The following ATM variants were observed in gnomAD, a reference collection of about 807,000 sequenced individuals.
ATM encodes the protein serine-protein kinase ATM.
Under a neutral mutation model 387.0 loss-of-function variants are expected in ATM, and 308 were observed. The observed-to-expected ratio is 0.80, with a 90% CI of 0.73 to 0.87. The LOEUF (loss-of-function observed/expected upper bound fraction) is 0.87. Among genes scored for constraint, ATM ranks in the 40% least tolerant of loss-of-function variants. The pLI, the probability that ATM is intolerant of heterozygous loss-of-function variation, is 0.00. For synonymous variants in ATM, 1,156 were observed against 1,187.3 expected (o/e 0.97, Z 0.54); for missense variants, 3,312 against 3,560.9 (o/e 0.93, Z 1.78).
intron 54 of ATM, among the ~76,000 whole-genome samples, chr11:108,334,253 G>A (rs1378049128): frequency 6.6e-6 from 1 of 152,084 alleles, no homozygotes; most frequent in African/African-American, 2.4e-5. Flanking sequence ...GTTTCCGTGT[G>A]CTTATGCCAA....
In ATM at chr11:108,281,171, A is replaced by G. The variant is rs2082214908; in HGVS notation, c.3576+3A>G. The G allele has an allele frequency of 6.2e-7, 1 of 1,613,360 alleles. No homozygotes were observed. The highest frequency in any genetic ancestry group is 8.5e-7 in the Non-Finnish European group (1 of 1,179,364). ...TAGAACCTCACCTTGTGAAAAAGGT[A>G]TATATGGATGAGTATTTTATTAGAA... On this transcript the variant is annotated splice_donor_region_variant and intron_variant, in intron 24 of 62. Transcript: ENST00000675843.
In ATM at chr11:108,284,351, C is replaced by A. The variant is rs2135707210; in HGVS notation, c.3871C>A (p.Leu1291Ile). 6.2e-7 allele frequency: 1 copy of A among 1,613,974 alleles called. No homozygotes were observed. ...SLLTDCFPKI[L>I]VNILPYFAYE... ...TCTAACAGACTGCTTTCCAAAGATT[C>A]TTGTAAATATTCTTCCTTATTTTGC... Residue 1291 changes from leucine (L) to isoleucine (I), a missense_variant, in exon 26 of 63, where the codon CTT (leucine) becomes ATT (isoleucine). Coordinates refer to ENST00000675843, the MANE Select transcript of ATM (RefSeq NM_000051.4).
chr11:108,313,752 G>A (rs917431752), intron 40 of ATM, among the ~76,000 whole-genome samples: 1 of 152,160 alleles, frequency 6.6e-6, no homozygotes, highest in Non-Finnish European at 1.5e-5. Context: ...ATTTGAGTTG[G>A]AACTATAGAA....
chr11:108,333,076 T>C (rs993298364), intron 53 of ATM, among the ~76,000 whole-genome samples, 176 bp downstream of exon 53: 29 of 152,168 alleles, frequency 1.9e-4, no homozygotes, highest in South Asian at 2.1e-4. Context: ...TAATATCTCT[T>C]AATAGAACTG....
In ATM at chr11:108,292,833, T is replaced by C. The variant is rs375744668; in HGVS notation, c.4611+40T>C. Reference sequence around the variant, plus strand: ...CATCTTCAAAATGGTATTTAAAATATATAAAGTATTGTTAGAAGGATTTGA... The same window carrying C: ...CATCTTCAAAATGGTATTTAAAATACATAAAGTATTGTTAGAAGGATTTGA... On this transcript the variant is annotated intron_variant, in intron 30 of 62. Coordinates refer to ENST00000675843, the MANE Select transcript of ATM (RefSeq NM_000051.4). The C allele has an allele frequency of 2.6e-5, 42 of 1,595,714 alleles. No homozygotes were observed. The Middle Eastern group carries it at 5.0e-4, about 19-fold the overall frequency.
At position 108,267,343 on chromosome 11, in the gene ATM, G is replaced by A. The variant is rs2135509713; in HGVS notation, c.2638+1G>A. On this transcript the variant is annotated splice_donor_variant, in intron 17 of 62. Transcript: ENST00000675843. LOFTEE classifies it high-confidence loss of function. ...CCTGGAGAGAGCCAAAGTACCATAG[G>A]TAAATACATATTTACTACTTGGGAT... 6.2e-7 allele frequency: 1 copy of A among 1,613,498 alleles called. No homozygotes were observed.
rs780088136 is a variant in ATM, at chr11:108,315,988, A to G, written c.6096-23A>G. 2.5e-6 allele frequency: 4 copies of G among 1,612,360 alleles called. No individual in the cohort carries two copies. In the Admixed American group the frequency reaches 5.0e-5, roughly 20 times the overall value. On this transcript the variant is annotated intron_variant, in intron 41 of 62. Coordinates refer to ENST00000675843, the MANE Select transcript of ATM (RefSeq NM_000051.4). Reference sequence around the variant, plus strand: ...TTATGTGTGTGTAAAACCCAAAGCTATTTTCACAATCTTTTCTTATAGACT... The same window carrying G: ...TTATGTGTGTGTAAAACCCAAAGCTGTTTTCACAATCTTTTCTTATAGACT...
intron 17 of ATM, 114 bp downstream of exon 17, chr11:108,267,456 C>A: frequency 1.1e-6 from 1 of 877,786 alleles, no homozygotes; most frequent in Non-Finnish European, 1.8e-6. Context: ...TTAGTATAGC[C>A]TTTTAGGATT....
intron 32 of ATM, chr11:108,297,032 T>C: frequency 2.3e-6 from 1 of 435,024 alleles, no homozygotes; most frequent in Middle Eastern, 6.9e-4. Context: ...GCTAAGGTGT[T>C]GACTTATCTG....
At chr11:108,358,204 GATGAA>G (rs892026092) in intron 61 of ATM, among the ~76,000 whole-genome samples, 2 of 151,766 alleles carry the variant, frequency 1.3e-5, no homozygotes, top group East Asian at 3.9e-4. Context: ...AGCGATGGAA[GATGAA>G]ATGAATGAAA....
At chr11:108,360,823 A>C (rs1484570325) in intron 61 of ATM, among the ~76,000 whole-genome samples, 3 of 102,924 alleles carry the variant, frequency 2.9e-5, no homozygotes, top group Non-Finnish European at 5.7e-5. Context: ...ATCTATGACA[A>C]ACCCAGAGCC....
Position 108,330,268 on chromosome 11 carries a change from A to G in ATM, c.7362A>G (p.Ala2454=). 6.2e-7 allele frequency: 1 copy of G among 1,614,238 alleles called. No individual in the cohort carries two copies. Among genetic ancestry groups the G allele is most frequent in the Non-Finnish European group, 8.5e-7 (1 of 1,180,030 alleles). ...ELELDELALR[A]LKEDRKRFLC... is the part of the protein sequence containing the mutation. ...AGTTGGATGAATTAGCCCTGCGTGC[A>G]CTGAAAGAGGATCGTAAACGCTTCT... The change falls in exon 50 of 63, where the codon GCA becomes GCG. Residue 2454 remains alanine, a synonymous_variant. Coordinates refer to ENST00000675843, the MANE Select transcript of ATM (RefSeq NM_000051.4).
rs551916592 is a variant in ATM at position 108,309,858 on chromosome 11, A to G, written c.5763-302A>G. On this transcript the variant is annotated intron_variant, in intron 38 of 62. Transcript: ENST00000675843. ...GTATCCTATTCTTAGTCTGTGGTACATGGATTTCTTGGTAGAGAGCAGATA... is the reference window on the plus strand; with the variant it reads ...GTATCCTATTCTTAGTCTGTGGTACGTGGATTTCTTGGTAGAGAGCAGATA... 3.5e-4 allele frequency among the ~76,000 whole-genome samples: 53 copies of G among 152,248 alleles called. 1 individual carries two copies. Among genetic ancestry groups the G allele is most frequent in the Admixed American group, 2.9e-3 (45 of 15,294 alleles).
chr11:108,270,898 A>G (rs1334599419), intron 18 of ATM, among the ~76,000 whole-genome samples, 166 bp from the exon 19 acceptor site: 1 of 151,896 alleles, frequency 6.6e-6, no homozygotes, highest in Admixed American at 6.6e-5. Flanking sequence ...GTTTCACCAT[A>G]TTGGCCAGGC....
At chr11:108,347,553 TG>T (rs972428732) in intron 59 of ATM, among the ~76,000 whole-genome samples, 188 bp downstream of exon 59, 2 of 152,064 alleles carry the variant, frequency 1.3e-5, no homozygotes, top group Non-Finnish European at 1.5e-5. Flanking sequence ...GGGTACTGAG[TG>T]AAACTTAATA....
At chr11:108,362,946 A>G (rs1372457692) in intron 61 of ATM, among the ~76,000 whole-genome samples, 3 of 152,110 alleles carry the variant, frequency 2.0e-5, no homozygotes, top group Non-Finnish European at 4.4e-5. Flanking sequence ...ACATAAAAGT[A>G]TAATTTAAAA....
At chr11:108,284,183 G>A (rs774039409) in intron 25 of ATM, 44 bp from the exon 26 acceptor site, 1 of 1,456,704 alleles carries the variant, frequency 6.9e-7, no homozygotes, top group East Asian at 2.5e-5. Flanking sequence ...ATTTTACTTG[G>A]AAAAGTTATA....
chr11:108,250,542 A>G (rs1348709213), intron 9 of ATM, among the ~76,000 whole-genome samples, 159 bp from the exon 10 acceptor site: 4 of 152,206 alleles, frequency 2.6e-5, no homozygotes, highest in African/African-American at 4.8e-5. Context: ...AGGAAGTAGG[A>G]CATAGTAACT....
intron 43 of ATM, among the ~76,000 whole-genome samples, 182 bp downstream of exon 43, chr11:108,317,703 T>C (rs986680916): frequency 7.0e-6 from 1 of 143,458 alleles, no homozygotes; most frequent in Admixed American, 7.0e-5. Flanking sequence ...ATATATATAG[T>C]GTGTATGTGT....
Sources: allele counts gnomAD v4.1 joint callset (sites outside exome capture counted in the v4.1 genomes callset), GRCh38; gene constraint gnomAD v4.1.1; transcripts MANE v1.5; gene names NCBI Gene and HGNC (gene_info 2026-07-23, HGNC 2026-07-21).